The following PDE7B variants were observed in gnomAD, a reference collection of about 807,000 sequenced individuals.
PDE7B encodes phosphodiesterase 7B.
A neutral mutation model predicts 56.2 loss-of-function variants in PDE7B; 29 were observed. The ratio of observed to expected loss-of-function variants is 0.52; its 90% CI spans 0.38 to 0.70. PDE7B has a LOEUF of 0.70. Ranked by LOEUF, PDE7B falls within the 30% of genes least tolerant of loss-of-function variation. PDE7B has a pLI of 0.00. For missense variants in PDE7B, 490 were observed against 565.0 expected, an observed-to-expected ratio of 0.87 and a Z score of 1.35; for synonymous variants, 197 against 196.9, an observed-to-expected ratio of 1.00 and a Z score of 0.00.
At chr6:136,183,504 G>A (rs1300406790) in intron 11 of PDE7B, among the ~76,000 whole-genome samples, 1 of 149,774 alleles carries the variant, frequency 6.7e-6, no homozygotes, top group African/African-American at 2.5e-5. Context: ...GCTGAGGCAG[G>A]AGAATGGCAT....
rs3839503 is a variant in PDE7B at position 136,119,375 on chromosome 6, G to GA, written c.166+10568dup. Among the ~76,000 whole-genome samples, 44 of 151,830 alleles carry GA rather than the reference G, an allele frequency of 2.9e-4. 1 individual carries two copies. The East Asian group carries it at 7.0e-3, about 24-fold the overall frequency. On this transcript the variant is annotated intron_variant, in intron 3 of 12. Transcript: ENST00000308191. ...GAAGCATGTATTCCTTTTATAATCA[G>GA]AAAAAAATGAGATTTTATTTTTAAA...
intron 3 of PDE7B, chr6:136,114,728 G>T (rs1464037516): frequency 6.6e-6 from 1 of 152,260 alleles, no homozygotes. Flanking sequence ...CCCAAGCGGA[G>T]AAGGGAGGTG....
At chr6:135,996,639 T>A (rs1017077090) in intron 2 of PDE7B, among the ~76,000 whole-genome samples, 13 of 152,256 alleles carry the variant, frequency 8.5e-5, no homozygotes, top group Admixed American at 7.2e-4. Context: ...GTTTCTCTTT[T>A]TAACTCATTC....
intron 1 of PDE7B, among the ~76,000 whole-genome samples, chr6:135,875,252 T>C (rs904715592): frequency 6.6e-6 from 1 of 152,094 alleles, no homozygotes; most frequent in Non-Finnish European, 1.5e-5. Flanking sequence ...TTTGTTTTGC[T>C]ATTCATCCTT....
At chr6:135,863,069 G>A (rs1029880491) in intron 1 of PDE7B, among the ~76,000 whole-genome samples, 3 of 151,838 alleles carry the variant, frequency 2.0e-5, no homozygotes, top group East Asian at 1.9e-4. Context: ...ATGTATAACC[G>A]AATATATAGT....
At chr6:136,050,018 C>G (rs1053311722) in intron 2 of PDE7B, among the ~76,000 whole-genome samples, 1 of 152,070 alleles carries the variant, frequency 6.6e-6, no homozygotes, top group African/African-American at 2.4e-5. Flanking sequence ...TAGTTATTGA[C>G]TGCACAAGGG....
intron 1 of PDE7B, among the ~76,000 whole-genome samples, chr6:135,937,663 C>A (rs1306589910): frequency 1.3e-5 from 2 of 152,176 alleles, no homozygotes; most frequent in South Asian, 2.1e-4. Context: ...AGAAGGGACC[C>A]CTTTTTCCCA....
chr6:135,888,013 A>G (rs1403278077), intron 1 of PDE7B, among the ~76,000 whole-genome samples: 1 of 152,110 alleles, frequency 6.6e-6, no homozygotes, highest in Non-Finnish European at 1.5e-5. Context: ...TATTTACATC[A>G]TCTTTCATCT....
chr6:136,160,544 C>G (rs1159515676), intron 8 of PDE7B, among the ~76,000 whole-genome samples: 1 of 152,162 alleles, frequency 6.6e-6, no homozygotes. Context: ...TCAGGGCACA[C>G]CAGCATCATC....
At chr6:135,921,576 T>TC (rs1268723560) in intron 1 of PDE7B, among the ~76,000 whole-genome samples, 3 of 152,202 alleles carry the variant, frequency 2.0e-5, no homozygotes, top group Non-Finnish European at 4.4e-5. Context: ...CTGAAGATTT[T>TC]TTTTTCAAGG....
chr6:135,891,099 G>A (rs1210101211), intron 1 of PDE7B, among the ~76,000 whole-genome samples: 2 of 152,210 alleles, frequency 1.3e-5, no homozygotes, highest in African/African-American at 4.8e-5. Flanking sequence ...TTCTTCAAGT[G>A]AGGCTGCATT....
At chr6:135,931,405 A>C (rs1774290074) in intron 1 of PDE7B, among the ~76,000 whole-genome samples, 2 of 152,216 alleles carry the variant, frequency 1.3e-5, no homozygotes, top group South Asian at 4.1e-4. Context: ...ATGTTTTTGA[A>C]AATAAAAATT....
Position 135,891,387 on chromosome 6 carries a change from G to A in PDE7B, c.21+39368G>A, listed in dbSNP as rs9494409. Among the ~76,000 whole-genome samples the A allele has an allele frequency of 7.5e-3, 1,142 of 152,326 alleles. 17 individuals carry two copies. Among genetic ancestry groups the A allele is most frequent in the African/African-American group, 0.026 (1,091 of 41,576 alleles). On this transcript the variant is annotated intron_variant, in intron 1 of 12. Coordinates refer to ENST00000308191, the MANE Select transcript of PDE7B (RefSeq NM_018945.4). The stretch of plus-strand genomic sequence containing the variant: ...GGCTAAAGGAAGAATGTATTTGCCA[G>A]ATGTTGAAATGGCAAGATAGTTTCA...
chr6:135,870,055 C>T (rs1031624290), intron 1 of PDE7B, among the ~76,000 whole-genome samples: 1 of 152,174 alleles, frequency 6.6e-6, no homozygotes, highest in African/African-American at 2.4e-5. Flanking sequence ...AAAAGGAGCA[C>T]TCTGACTCCA....
rs73567404 is a variant in PDE7B, at chr6:136,145,388, C to T, written c.167-1963C>T. Among the ~76,000 whole-genome samples, 932 of 152,192 alleles carry T rather than the reference C, an allele frequency of 6.1e-3. 3 individuals are homozygous for T. Among genetic ancestry groups the T allele is most frequent in the African/African-American group, 0.021 (865 of 41,536 alleles). ...AGCTCCCCCTTATTCTCTAGTATAA[C>T]AAGGTGCTACAGTTCATCTGATACA... On this transcript the variant is annotated intron_variant, in intron 3 of 12. Transcript: ENST00000308191.
At chr6:136,078,528 A>G (rs1162699791) in intron 2 of PDE7B, among the ~76,000 whole-genome samples, 1 of 152,138 alleles carries the variant, frequency 6.6e-6, no homozygotes, top group Non-Finnish European at 1.5e-5. Flanking sequence ...TTCCAGAAAA[A>G]TGATACCAAA....
intron 2 of PDE7B, among the ~76,000 whole-genome samples, chr6:135,959,752 C>T (rs1322234517): frequency 6.8e-6 from 1 of 147,686 alleles, no homozygotes; most frequent in African/African-American, 2.5e-5. Flanking sequence ...TTTGGAATAT[C>T]ACAGAGTCTT....
chr6:136,150,854 C>CGTGTGTGTGTGTGTGT (rs760532431), intron 5 of PDE7B, among the ~76,000 whole-genome samples: 4 of 73,636 alleles, frequency 5.4e-5, no homozygotes, highest in African/African-American at 2.3e-4. Context: ...CACATATACA[C>CGTGTGTGTGTGTGTGT]ATGTGTGTGT....
chr6:136,101,797 G>T (rs937911664), intron 2 of PDE7B, among the ~76,000 whole-genome samples: 1 of 152,108 alleles, frequency 6.6e-6, no homozygotes, highest in Admixed American at 6.6e-5. Flanking sequence ...CACCACTAGG[G>T]GTTCATGGGT....
Sources: gnomAD v4.1 joint callset for allele counts (sites outside exome capture counted in the v4.1 genomes callset) on GRCh38, gnomAD v4.1.1 for gene constraint, MANE v1.5 for transcripts, NCBI Gene and HGNC (gene_info 2026-07-23, HGNC 2026-07-21) for gene names.